The following CAMTA1 variants were observed in gnomAD, a reference collection of about 807,000 sequenced individuals.
CAMTA1 encodes the protein calmodulin-binding transcription activator 1.
A neutral mutation model predicts 170.9 loss-of-function variants in CAMTA1; 27 were observed. That is an observed-to-expected ratio of 0.16 (90% CI 0.12 to 0.22). CAMTA1 has a LOEUF of 0.22. CAMTA1 is among the 10% of genes least tolerant of loss of function. CAMTA1 has a pLI of 1.00. For missense variants in CAMTA1, 1,619 were observed against 2,217.2 expected, an observed-to-expected ratio of 0.73 and a Z score of 5.42; for synonymous variants, 833 against 891.5, an observed-to-expected ratio of 0.93 and a Z score of 1.17.
At chr1:7,359,374 T>G (rs1471461229) in intron 5 of CAMTA1, among the ~76,000 whole-genome samples, 1 of 152,166 alleles carries the variant, frequency 6.6e-6, no homozygotes, top group African/African-American at 2.4e-5. Context: ...CTCACCAAAC[T>G]GTGCTCTGGT....
intron 3 of CAMTA1, among the ~76,000 whole-genome samples, chr1:6,927,238 TG>T (rs1683473881): frequency 6.6e-6 from 1 of 152,078 alleles, no homozygotes; most frequent in South Asian, 2.1e-4. Context: ...GATTTTGCCA[TG>T]TTGCTCAGGC....
intron 3 of CAMTA1, among the ~76,000 whole-genome samples, chr1:6,919,057 T>C (rs1353754715): frequency 1.3e-5 from 2 of 152,194 alleles, no homozygotes; most frequent in African/African-American, 2.4e-5. Context: ...TTTTGTGACC[T>C]GAAAACACTC....
intron 4 of CAMTA1, among the ~76,000 whole-genome samples, chr1:7,168,401 T>C (rs1161752129): frequency 6.6e-6 from 1 of 152,196 alleles, no homozygotes; most frequent in East Asian, 1.9e-4. Flanking sequence ...TCTTTTTGTT[T>C]GTTTGTTTGT....
At chr1:7,193,035 C>T (rs1036786535) in intron 4 of CAMTA1, among the ~76,000 whole-genome samples, 1 of 152,072 alleles carries the variant, frequency 6.6e-6, no homozygotes, top group Non-Finnish European at 1.5e-5. Flanking sequence ...AGGAGACCAG[C>T]GTCTTCTGCT....
At chr1:7,647,718 CTGGG>C (rs2095818849) in intron 7 of CAMTA1, among the ~76,000 whole-genome samples, 1 of 152,170 alleles carries the variant, frequency 6.6e-6, no homozygotes, top group Non-Finnish European at 1.5e-5. Context: ...GGACGGCGGG[CTGGG>C]AGCTCCGAGC....
intron 5 of CAMTA1, among the ~76,000 whole-genome samples, chr1:7,321,888 A>G (rs1678475012): frequency 6.6e-6 from 1 of 152,124 alleles, no homozygotes; most frequent in Non-Finnish European, 1.5e-5. Flanking sequence ...CTGCTGGGTT[A>G]CACCACCACG....
chr1:6,953,011 G>T (rs1294778117), intron 3 of CAMTA1, among the ~76,000 whole-genome samples: 1 of 134,782 alleles, frequency 7.4e-6, no homozygotes, highest in Non-Finnish European at 1.7e-5. Context: ...GGGCATATGT[G>T]TGTTTTGCTT....
At chr1:7,498,334 A>G (rs917451532) in intron 6 of CAMTA1, among the ~76,000 whole-genome samples, 10 of 147,920 alleles carry the variant, frequency 6.8e-5, no homozygotes, top group African/African-American at 2.3e-4. Flanking sequence ...GTGAGTGTGG[A>G]TGTGTATGAG....
At chr1:7,061,841 G>A (rs546432815) in intron 3 of CAMTA1, among the ~76,000 whole-genome samples, 1 of 152,272 alleles carries the variant, frequency 6.6e-6, no homozygotes, top group South Asian at 2.1e-4. Context: ...GGACTCCCTT[G>A]GGGCTGGTGT....
intron 10 of CAMTA1, among the ~76,000 whole-genome samples, chr1:7,675,622 G>A (rs35441221): frequency 0.048 from 7,272 of 152,160 alleles, 241 homozygotes; most frequent in Non-Finnish European, 0.072. Context: ...TGGGCCTCCC[G>A]ACACCCTCCC....
chr1:7,654,398 TA>T (rs2095866131), intron 7 of CAMTA1, among the ~76,000 whole-genome samples: 1 of 151,678 alleles, frequency 6.6e-6, no homozygotes, highest in East Asian at 1.9e-4. Flanking sequence ...AATAAATAAA[TA>T]TATTAAAAAT....
At chr1:6,861,403 T>A (rs1246847057) in intron 3 of CAMTA1, among the ~76,000 whole-genome samples, 1 of 152,210 alleles carries the variant, frequency 6.6e-6, no homozygotes, top group Admixed American at 6.5e-5. Context: ...TGAGATGGAA[T>A]TGAAATGATC....
chr1:7,325,457 G>T lies in CAMTA1; in HGVS notation c.438+75831G>T, dbSNP rs372584087. Among the ~76,000 whole-genome samples, 44 of 152,298 alleles carry T rather than the reference G, an allele frequency of 2.9e-4. No individual in the cohort carries two copies. In the East Asian group the frequency reaches 5.6e-3, roughly 19 times the overall value. On this transcript the variant is annotated intron_variant, in intron 5 of 22. Transcript: ENST00000303635. This position sits in a 1 kb window ranked among gnomAD's most constrained non-coding sequence, Gnocchi z 5.0. ...AGAGTTTTAAACTGGAGCATGCTGAGCACGTTCAAAGACAGCAAGGAAGCC... is the reference window on the plus strand; with the variant it reads ...AGAGTTTTAAACTGGAGCATGCTGATCACGTTCAAAGACAGCAAGGAAGCC...
intron 6 of CAMTA1, among the ~76,000 whole-genome samples, chr1:7,536,333 G>A (rs901117454): frequency 6.6e-6 from 1 of 152,230 alleles, no homozygotes; most frequent in African/African-American, 2.4e-5. Context: ...CACTTTCAGG[G>A]TGAGCGGCAG....
intron 3 of CAMTA1, among the ~76,000 whole-genome samples, chr1:6,983,570 A>G (rs1323914154): frequency 6.6e-6 from 1 of 152,166 alleles, no homozygotes; most frequent in Non-Finnish European, 1.5e-5. Context: ...ATTATTTCAT[A>G]TTTATCTTCT....
chr1:6,991,704 A>G (rs571850755), intron 3 of CAMTA1, among the ~76,000 whole-genome samples: 1 of 151,832 alleles, frequency 6.6e-6, no homozygotes, highest in Non-Finnish European at 1.5e-5. Context: ...TTATCCATTC[A>G]TTCATTTATT....
At chr1:7,578,236 C>T (rs1362797664) in intron 6 of CAMTA1, among the ~76,000 whole-genome samples, 5 of 152,198 alleles carry the variant, frequency 3.3e-5, no homozygotes, top group Admixed American at 3.3e-4. Context: ...CCCAGGTGCC[C>T]TCTGTGGATC....
intron 5 of CAMTA1, among the ~76,000 whole-genome samples, chr1:7,331,679 G>A (rs893570802): frequency 6.6e-6 from 1 of 152,166 alleles, no homozygotes; most frequent in Non-Finnish European, 1.5e-5. Context: ...GCACCCCCTA[G>A]AGAGCTGACC....
At chr1:6,816,360 C>G (rs1645812448) in intron 1 of CAMTA1, among the ~76,000 whole-genome samples, 1 of 152,154 alleles carries the variant, frequency 6.6e-6, no homozygotes, top group Non-Finnish European at 1.5e-5. Context: ...GAGGACAGGA[C>G]CCTTGTCTGT....
Sources: allele counts gnomAD v4.1 joint callset (sites outside exome capture counted in the v4.1 genomes callset), GRCh38; gene constraint gnomAD v4.1.1; non-coding constraint Gnocchi (gnomAD v3.1); transcripts MANE v1.5; gene names NCBI Gene and HGNC (gene_info 2026-07-23, HGNC 2026-07-21).